GRM1: variants seen among roughly 807,000 people sequenced by gnomAD.
The protein encoded by GRM1 is glutamate metabotropic receptor 1.
A neutral mutation model predicts 90.9 loss-of-function variants in GRM1; 33 were observed. The ratio of observed to expected loss-of-function variants is 0.36; its 90% CI spans 0.28 to 0.49. The LOEUF (loss-of-function observed/expected upper bound fraction) is 0.49. GRM1 is among the 20% of genes least tolerant of loss of function. The pLI is 0.99. For missense variants in GRM1, 1,190 were observed against 1,534.3 expected (o/e 0.78, Z 3.75); for synonymous variants, 700 against 613.2 (o/e 1.14, Z -2.09).
At chr6:146,373,584 TG>T (rs1775984781) in intron 5 of GRM1, among the ~76,000 whole-genome samples, 1 of 152,108 alleles carries the variant, frequency 6.6e-6, no homozygotes, top group African/African-American at 2.4e-5. Flanking sequence ...GATTTGGGGA[TG>T]GGGGCGGACA....
chr6:146,055,982 C>T (rs1385437845), intron 1 of GRM1, among the ~76,000 whole-genome samples: 2 of 152,010 alleles, frequency 1.3e-5, no homozygotes, highest in African/African-American at 2.4e-5. Context: ...GAGAAGAACC[C>T]TCCAACTGAT....
chr6:146,404,392 TA>T (rs1474109164), intron 7 of GRM1, among the ~76,000 whole-genome samples: 2 of 152,096 alleles, frequency 1.3e-5, no homozygotes, highest in South Asian at 2.1e-4. Flanking sequence ...AGGGAGACAC[TA>T]AAAAATATAA....
At position 146,392,932 on chromosome 6, in the gene GRM1, A is replaced by G. The variant is rs554447760; in HGVS notation, c.1730-5837A>G. On this transcript the variant is annotated intron_variant, in intron 6 of 7. Transcript: ENST00000282753. ...GTGCCACATTTTCTTTATCTAGTCT[A>G]TCATTGTGGGCATTTGGGTTGGTTC... Among the ~76,000 whole-genome samples, 91 of 152,220 alleles carry G rather than the reference A, an allele frequency of 6.0e-4. 1 individual carries two copies. Among genetic ancestry groups the G allele is most frequent in the East Asian group, 1.2e-3 (6 of 5,184 alleles).
At chr6:146,419,114 A>G (rs1308168659) in intron 7 of GRM1, among the ~76,000 whole-genome samples, 1 of 152,206 alleles carries the variant, frequency 6.6e-6, no homozygotes, top group Non-Finnish European at 1.5e-5. Flanking sequence ...AACTTGACAA[A>G]CATGTTGGAA....
intron 1 of GRM1, among the ~76,000 whole-genome samples, chr6:146,074,552 C>T (rs1179122456): frequency 6.6e-6 from 1 of 152,106 alleles, no homozygotes; most frequent in Non-Finnish European, 1.5e-5. Flanking sequence ...ATTTTGTGAG[C>T]ATTTCTCCTG....
intron 2 of GRM1, among the ~76,000 whole-genome samples, chr6:146,167,851 G>T (rs74403909): frequency 3.3e-5 from 5 of 152,090 alleles, no homozygotes; most frequent in Admixed American, 6.6e-5. Context: ...TTTGTATTCT[G>T]CTGAGTGTCT....
At chr6:146,207,030 C>T (rs1779520023) in intron 2 of GRM1, among the ~76,000 whole-genome samples, 1 of 152,202 alleles carries the variant, frequency 6.6e-6, no homozygotes, top group Non-Finnish European at 1.5e-5. Context: ...ATAGGTACCA[C>T]ATTTTCTTTA....
intron 2 of GRM1, among the ~76,000 whole-genome samples, chr6:146,169,463 G>C (rs1487244001): frequency 6.6e-6 from 1 of 152,110 alleles, no homozygotes; most frequent in African/African-American, 2.4e-5. Context: ...ATGTTTTCCA[G>C]TGAGTCTTTC....
intron 6 of GRM1, among the ~76,000 whole-genome samples, chr6:146,389,871 T>C (rs1750758527): frequency 1.3e-5 from 2 of 152,104 alleles, no homozygotes; most frequent in South Asian, 4.1e-4. Flanking sequence ...TTTGGTCTCT[T>C]ACAGGAAATC....
chr6:146,113,269 A>T (rs556646933), intron 1 of GRM1, among the ~76,000 whole-genome samples: 9 of 152,200 alleles, frequency 5.9e-5, no homozygotes, highest in Non-Finnish European at 1.2e-4. Flanking sequence ...CTCAACAAAC[A>T]CATAGTAAAT....
At chr6:146,106,526 G>A (rs776019669) in intron 1 of GRM1, among the ~76,000 whole-genome samples, 1 of 152,134 alleles carries the variant, frequency 6.6e-6, no homozygotes, top group Non-Finnish European at 1.5e-5. Flanking sequence ...AGTGTCCCAC[G>A]TGACACATCA....
chr6:146,194,972 G>T (rs1191556572), intron 2 of GRM1, among the ~76,000 whole-genome samples: 2 of 152,126 alleles, frequency 1.3e-5, no homozygotes. Flanking sequence ...TTGTTGTAAA[G>T]AATTAAATGA....
At chr6:146,155,878 G>A (rs780594889) in intron 1 of GRM1, among the ~76,000 whole-genome samples, 7 of 152,156 alleles carry the variant, frequency 4.6e-5, no homozygotes, top group Admixed American at 6.5e-5. Flanking sequence ...GAATGCAAGT[G>A]TAGCTTTCTG....
chr6:146,158,170 T>C (rs1777586267), intron 1 of GRM1, among the ~76,000 whole-genome samples: 1 of 152,108 alleles, frequency 6.6e-6, no homozygotes, highest in Non-Finnish European at 1.5e-5. Context: ...AGACATGGAA[T>C]AGGTAGATGG....
chr6:146,417,905 T>C (rs1420745830), intron 7 of GRM1, among the ~76,000 whole-genome samples: 2 of 152,172 alleles, frequency 1.3e-5, no homozygotes, highest in African/African-American at 2.4e-5. Flanking sequence ...TCATCTAAAG[T>C]CTCTCTGGAA....
intron 1 of GRM1, among the ~76,000 whole-genome samples, chr6:146,079,604 T>C (rs183313529): frequency 1.3e-5 from 2 of 152,172 alleles, no homozygotes; most frequent in African/African-American, 4.8e-5. Context: ...TTGGTACAGA[T>C]GAGAGTGTGT....
intron 7 of GRM1, among the ~76,000 whole-genome samples, chr6:146,408,043 G>A (rs1422187900): frequency 6.6e-6 from 1 of 152,170 alleles, no homozygotes; most frequent in African/African-American, 2.4e-5. Flanking sequence ...CACAGTTCTG[G>A]AGGCTGAGAA....
At chr6:146,387,508 G>A (rs1368147332) in intron 6 of GRM1, among the ~76,000 whole-genome samples, 1 of 151,714 alleles carries the variant, frequency 6.6e-6, no homozygotes, top group Non-Finnish European at 1.5e-5. Flanking sequence ...AACCTATCAG[G>A]AACGAAACAT....
intron 7 of GRM1, among the ~76,000 whole-genome samples, chr6:146,433,256 T>C (rs755062187): frequency 3.3e-5 from 5 of 152,238 alleles, no homozygotes; most frequent in Non-Finnish European, 7.3e-5. Flanking sequence ...AGCTCATAAA[T>C]TGACCATGAG....
Sources: allele counts gnomAD v4.1 joint callset (sites outside exome capture counted in the v4.1 genomes callset), GRCh38; gene constraint gnomAD v4.1.1; transcripts MANE v1.5; gene names NCBI Gene and HGNC (gene_info 2026-07-23, HGNC 2026-07-21).